The following LYPD6B variants were observed in gnomAD, a reference collection of about 807,000 sequenced individuals.
LYPD6B encodes LY6/PLAUR domain containing 6B, also known as ly6/PLAUR domain-containing protein 6B.
LYPD6B carries 17 observed loss-of-function variants against 22.8 expected under a neutral mutation model. The observed-to-expected ratio is 0.75, with a 90% confidence interval of 0.51 to 1.12. The LOEUF (loss-of-function observed/expected upper bound fraction) is 1.12, where lower values mean the gene tolerates loss of function less well. Ranked by LOEUF, LYPD6B falls within the 50% of genes most tolerant of loss-of-function variation. LYPD6B has a pLI of 0.00. For missense variants in LYPD6B, 221 were observed against 258.3 expected (o/e 0.86, Z 0.99); for synonymous variants, 106 against 91.6 (o/e 1.16, Z -0.90).
At chr2:149,108,195 T>C (rs1686574481) in intron 1 of LYPD6B, among the ~76,000 whole-genome samples, 2 of 152,310 alleles carry the variant, frequency 1.3e-5, no homozygotes, top group Non-Finnish European at 2.9e-5. Flanking sequence ...CTGCCATCTA[T>C]GTAAGACATG....
intron 1 of LYPD6B, among the ~76,000 whole-genome samples, chr2:149,102,959 G>C (rs7576022): frequency 0.26 from 38,844 of 152,020 alleles, 5,335 homozygotes; most frequent in East Asian, 0.54. Flanking sequence ...ACTTGACTCA[G>C]GGTCCTTTTA....
At chr2:149,135,719 C>CAAAAA (rs386391471) in intron 2 of LYPD6B, among the ~76,000 whole-genome samples, 3 of 32,246 alleles carry the variant, frequency 9.3e-5, no homozygotes, top group Non-Finnish European at 1.2e-4. Flanking sequence ...GACCATGTCT[C>CAAAAA]AAAAAAAAAA....
intron 2 of LYPD6B, among the ~76,000 whole-genome samples, chr2:149,144,830 T>A (rs1688916276): frequency 6.6e-6 from 1 of 152,220 alleles, no homozygotes; most frequent in Admixed American, 6.5e-5. Flanking sequence ...CTTTTCCACT[T>A]GACGTGCCTT....
At chr2:149,042,550 G>A (rs1344575004) in intron 1 of LYPD6B, among the ~76,000 whole-genome samples, 1 of 152,204 alleles carries the variant, frequency 6.6e-6, no homozygotes, top group East Asian at 1.9e-4. Context: ...GAATGTGAGG[G>A]AATGAGGTAG....
chr2:149,114,608 T>G (rs537530490), intron 1 of LYPD6B, among the ~76,000 whole-genome samples: 4 of 152,330 alleles, frequency 2.6e-5, no homozygotes, highest in African/African-American at 9.6e-5. Flanking sequence ...TTCTAAGGGC[T>G]AATCTTTAGT....
chr2:149,046,766 A>C (rs974564248), intron 1 of LYPD6B, among the ~76,000 whole-genome samples: 1 of 152,132 alleles, frequency 6.6e-6, no homozygotes, highest in Admixed American at 6.5e-5. Flanking sequence ...TTGTAGTCTT[A>C]TAGCAGTATA....
chr2:149,139,617 T>C (rs1372434584), intron 2 of LYPD6B, among the ~76,000 whole-genome samples: 1 of 152,174 alleles, frequency 6.6e-6, no homozygotes, highest in African/African-American at 2.4e-5. Context: ...CAAAGAGGTA[T>C]CATAATGGGG....
chr2:149,174,680 C>T (rs1351703064), intron 3 of LYPD6B, among the ~76,000 whole-genome samples: 2 of 151,660 alleles, frequency 1.3e-5, no homozygotes, highest in Non-Finnish European at 2.9e-5. Context: ...TATGATGAAT[C>T]GCATTAATTG....
At chr2:149,119,870 A>T (rs1479836957) in intron 1 of LYPD6B, among the ~76,000 whole-genome samples, 1 of 152,194 alleles carries the variant, frequency 6.6e-6, no homozygotes, top group Non-Finnish European at 1.5e-5. Flanking sequence ...TTTCATTTTA[A>T]ATTGTCCCAG....
chr2:149,174,546 G>C (rs539343824), intron 3 of LYPD6B, among the ~76,000 whole-genome samples: 64 of 152,228 alleles, frequency 4.2e-4, no homozygotes, highest in African/African-American at 1.4e-3. Flanking sequence ...TTATTATTTT[G>C]AGATATGGTC....
intron 1 of LYPD6B, among the ~76,000 whole-genome samples, chr2:149,105,494 T>C (rs1293614080): frequency 6.6e-6 from 1 of 152,188 alleles, no homozygotes; most frequent in East Asian, 1.9e-4. Flanking sequence ...GTTTCAGCAA[T>C]GTTGTGTAGT....
At chr2:149,131,163 C>A in intron 2 of LYPD6B, 1 of 488,630 alleles carries the variant, frequency 2.0e-6, no homozygotes, top group Non-Finnish European at 3.6e-6. Context: ...TATGAAAGAA[C>A]TTTTGACACA....
chr2:149,120,608 C>G (rs1482720124), intron 1 of LYPD6B, among the ~76,000 whole-genome samples: 1 of 149,522 alleles, frequency 6.7e-6, no homozygotes, highest in Non-Finnish European at 1.5e-5. Context: ...TGGTCTCTAT[C>G]TCCTGACCTC....
intron 1 of LYPD6B, among the ~76,000 whole-genome samples, chr2:149,130,322 A>G (rs75735670): frequency 1.3e-5 from 2 of 152,340 alleles, no homozygotes; most frequent in Non-Finnish European, 2.9e-5. Context: ...GGAGGAGAAG[A>G]GAAGTCGCTA....
chr2:149,189,327 T>TG (rs1692326372), intron 3 of LYPD6B, among the ~76,000 whole-genome samples: 1 of 134,942 alleles, frequency 7.4e-6, no homozygotes, highest in Admixed American at 7.6e-5. Context: ...AACAATTTTT[T>TG]TGATTTGTCC....
intron 1 of LYPD6B, among the ~76,000 whole-genome samples, chr2:149,051,340 A>G (rs1337493650): frequency 2.7e-5 from 4 of 150,744 alleles, no homozygotes; most frequent in Non-Finnish European, 4.4e-5. Context: ...AATTTTTTCT[A>G]TTTTTTAGTA....
At chr2:149,102,035 G>A (rs1217493059) in intron 1 of LYPD6B, among the ~76,000 whole-genome samples, 1 of 152,184 alleles carries the variant, frequency 6.6e-6, no homozygotes, top group African/African-American at 2.4e-5. Flanking sequence ...AGAGCTGCAC[G>A]TAGACCCAGA....
intron 2 of LYPD6B, among the ~76,000 whole-genome samples, chr2:149,143,617 CT>C (rs1203210459): frequency 6.6e-6 from 1 of 151,856 alleles, no homozygotes; most frequent in African/African-American, 2.4e-5. Context: ...CAGCAGATCT[CT>C]CCTTCCAATT....
At chr2:149,098,499 C>T (rs945913746) in intron 1 of LYPD6B, among the ~76,000 whole-genome samples, 3 of 151,604 alleles carry the variant, frequency 2.0e-5, no homozygotes, top group Non-Finnish European at 4.4e-5. Flanking sequence ...TGGTGGCAGG[C>T]GCCTGTAATC....
Sources: gnomAD v4.1 joint callset for allele counts (sites outside exome capture counted in the v4.1 genomes callset) on GRCh38, gnomAD v4.1.1 for gene constraint, MANE v1.5 for transcripts, NCBI Gene and HGNC (gene_info 2026-07-23, HGNC 2026-07-21) for gene names.